The following GLRX2 variants were observed in gnomAD, a reference collection of about 807,000 sequenced individuals.
The protein encoded by GLRX2 is bA101E13.1 (GRX2 glutaredoxin (thioltransferase) 2).
In GLRX2, 12 loss-of-function variants were observed where a neutral mutation model predicts 16.4. That is an observed-to-expected ratio of 0.73 (90% CI 0.47 to 1.19). GLRX2 has a LOEUF of 1.19. GLRX2 is among the 50% of genes most tolerant of loss of function. GLRX2 has a pLI of 0.00. For synonymous variants in GLRX2, 95 were observed against 76.2 expected, an observed-to-expected ratio of 1.25 and a Z score of -1.28; for missense variants, 201 against 201.8, an observed-to-expected ratio of 1.00 and a Z score of 0.02.
chr1:193,099,033 T>C (rs1472932770), intron 2 of GLRX2, among the ~76,000 whole-genome samples: 1 of 152,204 alleles, frequency 6.6e-6, no homozygotes, highest in African/African-American at 2.4e-5. Context: ...CATTACTCTC[T>C]TGATAAGGTA....
chr1:193,105,693 G>A, upstream of GLRX2: 1 of 1,545,204 alleles, frequency 6.5e-7, no homozygotes, highest in Non-Finnish European at 8.7e-7. Context: ...AAGGCTCCCA[G>A]GCACTTGGAA....
At chr1:193,105,154 C>A in intron 1 of GLRX2, 110 bp downstream of exon 1, 1 of 1,402,794 alleles carries the variant, frequency 7.1e-7, no homozygotes, top group South Asian at 1.6e-5. Flanking sequence ...CGCTAGTACG[C>A]CTCGCCCACC....
At chr1:193,105,778 A>G, upstream of GLRX2, 12 of 1,357,212 alleles carry the variant, frequency 8.8e-6, no homozygotes, top group Non-Finnish European at 1.1e-5. Context: ...AACAGAATCA[A>G]AGTGGTGCCT....
At chr1:193,099,403 C>T (rs1332533705) in intron 2 of GLRX2, among the ~76,000 whole-genome samples, 2 of 152,028 alleles carry the variant, frequency 1.3e-5, no homozygotes, top group Admixed American at 6.5e-5. Flanking sequence ...TACAAGGGTG[C>T]GATCTCAGCT....
At chr1:193,103,693 T>A (rs974347868) in intron 1 of GLRX2, among the ~76,000 whole-genome samples, 1 of 152,122 alleles carries the variant, frequency 6.6e-6, no homozygotes, top group South Asian at 2.1e-4. Flanking sequence ...ATCAGTTTGT[T>A]CAGTTATAAC....
Position 193,105,281 on chromosome 1 carries a change from C to T in GLRX2, c.102G>A (p.Ala34=), listed in dbSNP as rs761532101. ...LDRAAGAAGA[A]AAAASGMESN... ...CCCCGTACCCAGAGGCCGCAGCTGC[C>T]GCAGCTCCCGCAGCTCCCGCCGCCC... Residue 34 remains alanine (A), a synonymous_variant, in exon 1 of 4, where the codon GCG becomes GCA. Coordinates refer to ENST00000367439, the MANE Select transcript of GLRX2 (RefSeq NM_197962.3). 1.3e-6 allele frequency: 2 copies of T among 1,525,564 alleles called. No individual in the cohort carries two copies. The highest frequency in any genetic ancestry group is 1.7e-6 in the Non-Finnish European group (2 of 1,145,042). 94.5% of individuals were successfully genotyped at this position (1,525,564 alleles called of 1,614,324 possible).
intron 2 of GLRX2, among the ~76,000 whole-genome samples, chr1:193,099,832 C>T (rs1300710718): frequency 6.6e-6 from 1 of 152,110 alleles, no homozygotes; most frequent in African/African-American, 2.4e-5. Context: ...GTATAAAAGT[C>T]CATCCTAGGG....
chr1:193,099,010 G>C (rs776241201), intron 2 of GLRX2, among the ~76,000 whole-genome samples: 5 of 152,098 alleles, frequency 3.3e-5, no homozygotes, highest in Non-Finnish European at 5.9e-5. Context: ...TACCTTTATA[G>C]TACAAAAGCT....
At chr1:193,102,650 G>C (rs1263415912) in intron 1 of GLRX2, among the ~76,000 whole-genome samples, 1 of 152,122 alleles carries the variant, frequency 6.6e-6, no homozygotes, top group African/African-American at 2.4e-5. Context: ...ACCGCGCCTG[G>C]CCTGAAATAC....
rs550363922 is a variant in GLRX2, at chr1:193,100,951, T to C, written c.183+190A>G. On this transcript the variant is annotated intron_variant, in intron 2 of 3. Transcript: ENST00000367439. ...TAAGAATAAATCTCATACGTTTTAA[T>C]TACCAAAATGATCTAGGACTTCTTA... is the stretch of plus-strand genomic sequence containing the variant. Among the ~76,000 whole-genome samples the C allele has an allele frequency of 2.0e-4, 30 of 152,370 alleles. No homozygotes were observed. The South Asian group carries it at 6.0e-3, about 30-fold the overall frequency.
At chr1:193,097,454 C>A in intron 3 of GLRX2, 130 bp downstream of exon 3, 1 of 597,958 alleles carries the variant, frequency 1.7e-6, no homozygotes, top group East Asian at 3.0e-5. Context: ...AATCTGGTTC[C>A]TAGATCTGCA....
At chr1:193,105,741 C>A, upstream of GLRX2, 2 of 1,410,402 alleles carry the variant, frequency 1.4e-6, no homozygotes, top group Admixed American at 3.2e-5. Flanking sequence ...GCTGGGGAAA[C>A]GGAGGAGAAA....
chr1:193,101,972 C>T (rs1366601513), intron 1 of GLRX2, among the ~76,000 whole-genome samples: 1 of 152,050 alleles, frequency 6.6e-6, no homozygotes, highest in East Asian at 1.9e-4. Context: ...CTTTTCTTCC[C>T]CATCCACTCA....
At position 193,105,250 on chromosome 1, in the gene GLRX2, C is replaced by A. The variant is rs780837773; in HGVS notation, c.119+14G>T. 6.5e-7 allele frequency: 1 copy of A among 1,534,030 alleles called. No individual in the cohort carries two copies. The highest frequency in any genetic ancestry group is 8.7e-7 in the Non-Finnish European group (1 of 1,149,666). On this transcript the variant is annotated intron_variant, in intron 1 of 3. Transcript: ENST00000367439. ...CGCACCACGCCGCGGCACTCCTGCC[C>A]GCTGACCCCGTACCCAGAGGCCGCA...
chr1:193,099,134 C>T (rs1675022046), intron 2 of GLRX2, among the ~76,000 whole-genome samples: 1 of 152,192 alleles, frequency 6.6e-6, no homozygotes, highest in African/African-American at 2.4e-5. Flanking sequence ...GTTTAAAAAA[C>T]CTCTCCATAT....
In GLRX2 at chr1:193,105,371, G is replaced by T. The variant is rs375494346; in HGVS notation, c.12C>A (p.Arg4=). MIW[R]RAALAGTRLV... ...GCCGCGTCCCCGCCAGCGCCGCGCG[G>T]CGCCAAATCATGGTCAGAGCCCGGA... is the stretch of plus-strand genomic sequence containing the variant. The change falls in exon 1 of 4, where the codon CGC becomes CGA. Residue 4 remains arginine (R), a synonymous_variant. Transcript: ENST00000367439. The T allele has an allele frequency of 6.5e-7, 1 of 1,545,034 alleles. No homozygotes were observed. The highest frequency in any genetic ancestry group is 1.8e-5 in the Admixed American group (1 of 54,164).
chr1:193,105,407 G>C lies in GLRX2; in HGVS notation c.-25C>G. On this transcript the variant is annotated 5_prime_UTR_variant, in exon 1 of 4. Coordinates refer to ENST00000367439, the MANE Select transcript of GLRX2 (RefSeq NM_197962.3). The stretch of plus-strand genomic sequence containing the variant: ...TGGTCAGAGCCCGGATCTGCAGCGA[G>C]CTCTACTGCCGGACACCGCGGATCC... 6.6e-7 allele frequency: 1 copy of C among 1,513,366 alleles called. No individual in the cohort carries two copies. Among genetic ancestry groups the C allele is most frequent in the Non-Finnish European group, 8.8e-7 (1 of 1,140,728 alleles). 93.7% of individuals were successfully genotyped at this position (1,513,366 alleles called of 1,614,324 possible). A position where few individuals can be genotyped will look rare whatever the true frequency, so the allele number is the denominator to read the frequency against.
intron 2 of GLRX2, among the ~76,000 whole-genome samples, chr1:193,098,358 T>C (rs1019045214): frequency 2.0e-5 from 3 of 151,888 alleles, no homozygotes; most frequent in Non-Finnish European, 4.4e-5. Flanking sequence ...CTGGCCAAAA[T>C]GGTGAAACTC....
intron 1 of GLRX2, among the ~76,000 whole-genome samples, chr1:193,101,436 A>G (rs188341873): frequency 1.2e-4 from 18 of 152,364 alleles, no homozygotes; most frequent in Non-Finnish European, 2.1e-4. Context: ...TAATTATTTG[A>G]TAAAATCATA....
Sources: allele counts gnomAD v4.1 joint callset (sites outside exome capture counted in the v4.1 genomes callset), GRCh38; gene constraint gnomAD v4.1.1; transcripts MANE v1.5; gene names NCBI Gene and HGNC (gene_info 2026-07-23, HGNC 2026-07-21).